SCN11A: variants seen among roughly 807,000 people sequenced by gnomAD.
SCN11A encodes the protein sodium channel protein type 11 subunit alpha.
Under a neutral mutation model 162.2 loss-of-function variants are expected in SCN11A, and 122 were observed. The ratio of observed to expected loss-of-function variants is 0.75; its 90% CI spans 0.65 to 0.87. The LOEUF is 0.87. SCN11A is among the 40% of genes least tolerant of loss of function. SCN11A has a pLI of 0.00. For missense variants in SCN11A, 2,015 were observed against 2,181.6 expected (o/e 0.92, Z 1.52); for synonymous variants, 758 against 751.5 (o/e 1.01, Z -0.14).
intron 2 of SCN11A, among the ~76,000 whole-genome samples, chr3:38,968,801 A>G (rs2066799317): frequency 6.6e-6 from 1 of 152,226 alleles, no homozygotes; most frequent in South Asian, 2.1e-4. Context: ...CAGTTTCTTC[A>G]TCTAGAAAAT....
At chr3:39,031,522 TCAAACAAAAAACAAA>T (rs1205724605) in intron 2 of SCN11A, among the ~76,000 whole-genome samples, 1 of 140,618 alleles carries the variant, frequency 7.1e-6, no homozygotes, top group Non-Finnish European at 1.5e-5. Context: ...TGAGATTCTG[TCAAACAAAAAACAAA>T]CAAACAAAAA....
chr3:39,037,372 C>T (rs973765782), intron 1 of SCN11A, among the ~76,000 whole-genome samples: 1 of 151,788 alleles, frequency 6.6e-6, no homozygotes, highest in Non-Finnish European at 1.5e-5. Flanking sequence ...TTAATGGGTA[C>T]AAAAATATAG....
chr3:38,950,064 C>CTCCCT (rs2066580970), intron 5 of SCN11A, 32 bp downstream of exon 5: 2 of 45,910 alleles, frequency 4.4e-5, no homozygotes, highest in Admixed American at 2.0e-4. Context: ...AACACCCCCA[C>CTCCCT]CCCCACCCCC....
At chr3:39,017,818 G>A (rs760723979) in intron 2 of SCN11A, among the ~76,000 whole-genome samples, 21 of 152,026 alleles carry the variant, frequency 1.4e-4, no homozygotes, top group Admixed American at 5.2e-4. Context: ...GCACTTCTGC[G>A]TGGTTTTGAT....
chr3:38,955,027 T>C (rs951410829), intron 3 of SCN11A, among the ~76,000 whole-genome samples: 4 of 151,412 alleles, frequency 2.6e-5, no homozygotes, highest in African/African-American at 9.7e-5. Context: ...TGAGGCCAGG[T>C]GCAGTGGCTT....
At chr3:38,849,746 AAGAAGGAG>A (rs2064743475) in intron 29 of SCN11A, 1 of 152,240 alleles carries the variant, frequency 6.6e-6, no homozygotes, top group African/African-American at 2.4e-5. Context: ...TGTGTTTTAT[AAGAAGGAG>A]TATGGTAATA....
intron 3 of SCN11A, among the ~76,000 whole-genome samples, chr3:38,955,284 C>T (rs1030817775): frequency 1.3e-5 from 2 of 151,760 alleles, no homozygotes; most frequent in Non-Finnish European, 2.9e-5. Context: ...GAGACTCTGT[C>T]CCAAAAAAAA....
In SCN11A at chr3:38,883,214, C is replaced by T. The variant is rs374845396; in HGVS notation, c.3219+19G>A. On this transcript the variant is annotated intron_variant, in intron 22 of 29. Coordinates refer to ENST00000302328, the MANE Select transcript of SCN11A (RefSeq NM_001349253.2). ...GCTGCCCTGATGCCCAATGTCTCCA[C>T]AAGACAATGATGATTTACCAGTGCC... The T allele has an allele frequency of 3.7e-6, 6 of 1,605,312 alleles. No homozygotes were observed. In the African/African-American group the frequency reaches 6.7e-5, roughly 18 times the overall value.
chr3:38,987,998 G>A (rs116204105), intron 2 of SCN11A, among the ~76,000 whole-genome samples: 4 of 152,272 alleles, frequency 2.6e-5, no homozygotes, highest in African/African-American at 9.6e-5. Flanking sequence ...CAGTCATACC[G>A]TCCTGCCTCC....
intron 3 of SCN11A, among the ~76,000 whole-genome samples, chr3:38,959,021 T>A (rs1168559460): frequency 1.3e-5 from 2 of 152,226 alleles, no homozygotes; most frequent in African/African-American, 4.8e-5. Flanking sequence ...ATACTGTGAT[T>A]CTCATACTTT....
chr3:38,966,382 CAAAT>C (rs2125585403), intron 2 of SCN11A, among the ~76,000 whole-genome samples: 2 of 152,136 alleles, frequency 1.3e-5, no homozygotes, highest in South Asian at 4.1e-4. Flanking sequence ...CATTACAAAA[CAAAT>C]AAATTATGTA....
At chr3:38,884,236 CCCACT>C (rs1035887984) in intron 21 of SCN11A, among the ~76,000 whole-genome samples, 13 of 152,052 alleles carry the variant, frequency 8.5e-5, no homozygotes, top group African/African-American at 2.7e-4. Flanking sequence ...TGGCTTTTAT[CCCACT>C]CCTCCCTTCT....
chr3:39,024,280 A>G (rs1447962714), intron 2 of SCN11A, among the ~76,000 whole-genome samples: 2 of 152,244 alleles, frequency 1.3e-5, no homozygotes, highest in Non-Finnish European at 2.9e-5. Context: ...ATAGTAGCAG[A>G]TAGACTGGGG....
chr3:38,872,503 G>T (rs967797817), intron 23 of SCN11A, among the ~76,000 whole-genome samples: 2 of 152,206 alleles, frequency 1.3e-5, no homozygotes, highest in African/African-American at 4.8e-5. Context: ...AATCTGGGGT[G>T]CTGAATTGGA....
intron 2 of SCN11A, among the ~76,000 whole-genome samples, chr3:39,014,927 C>T (rs1043243780): frequency 6.6e-6 from 1 of 152,130 alleles, no homozygotes; most frequent in Non-Finnish European, 1.5e-5. Context: ...TTGTTGTTGG[C>T]ATATTGTGCA....
intron 27 of SCN11A, among the ~76,000 whole-genome samples, chr3:38,864,826 T>A (rs1428421400): frequency 6.6e-6 from 1 of 152,192 alleles, no homozygotes; most frequent in Non-Finnish European, 1.5e-5. Context: ...AGACCTTATG[T>A]ATTTGAATCC....
Position 38,924,784 on chromosome 3 carries a change from C to T in SCN11A, c.712+631G>A, listed in dbSNP as rs567343201. 5.3e-4 allele frequency among the ~76,000 whole-genome samples: 80 copies of T among 152,228 alleles called. 1 individual carries two copies. Among genetic ancestry groups the T allele is most frequent in the Admixed American group, 1.2e-3 (19 of 15,286 alleles). On this transcript the variant is annotated intron_variant, in intron 9 of 29. Transcript: ENST00000302328. ...TTGGCCTCCCAAAGTGCTAGAATTACTGGCGTGAGCAACTGTACCCGGCCC... is the reference window on the plus strand; with the variant it reads ...TTGGCCTCCCAAAGTGCTAGAATTATTGGCGTGAGCAACTGTACCCGGCCC...
At chr3:38,901,601 C>A (rs541470616) in intron 16 of SCN11A, among the ~76,000 whole-genome samples, 1 of 152,316 alleles carries the variant, frequency 6.6e-6, no homozygotes, top group East Asian at 1.9e-4. Flanking sequence ...AGTTAATTTT[C>A]TAGTCCAGTC....
intron 2 of SCN11A, among the ~76,000 whole-genome samples, chr3:39,000,244 A>T (rs1388528566): frequency 1.3e-5 from 2 of 152,238 alleles, no homozygotes; most frequent in Non-Finnish European, 2.9e-5. Context: ...GTAAGAGCTG[A>T]CAAGACTTAA....
Sources: gnomAD v4.1 joint callset for allele counts (sites outside exome capture counted in the v4.1 genomes callset) on GRCh38, gnomAD v4.1.1 for gene constraint, MANE v1.5 for transcripts, NCBI Gene and HGNC (gene_info 2026-07-23, HGNC 2026-07-21) for gene names.